The following ARHGEF1 variants were observed in gnomAD, a reference collection of about 807,000 sequenced individuals.
The protein encoded by ARHGEF1 is 115 kDa guanine nucleotide exchange factor.
In ARHGEF1, 40 loss-of-function variants were observed where a neutral mutation model predicts 119.7. That is an observed-to-expected ratio of 0.33 (90% confidence interval 0.26 to 0.44). The LOEUF is 0.44. Ranked by LOEUF, ARHGEF1 falls within the 20% of genes least tolerant of loss-of-function variation. The probability of loss-of-function intolerance (pLI) is 1.00; values close to 1 mark genes in which losing one functional copy is unlikely to be tolerated. For missense variants in ARHGEF1, 976 were observed against 1,268.3 expected (o/e 0.77, Z 3.50); for synonymous variants, 494 against 521.0 (o/e 0.95, Z 0.71).
At chr19:41,894,355 C>G in intron 9 of ARHGEF1, 49 bp downstream of exon 9, 1 of 1,515,894 alleles carries the variant, frequency 6.6e-7, no homozygotes, top group South Asian at 1.3e-5. Context: ...CAGAGACGCC[C>G]TGGGAGCCTC....
At chr19:41,894,347 G>A in intron 9 of ARHGEF1, 41 bp downstream of exon 9, 1 of 1,517,784 alleles carries the variant, frequency 6.6e-7, no homozygotes, top group Non-Finnish European at 8.8e-7. Flanking sequence ...TTCCTCTCCA[G>A]AGACGCCCTG....
chr19:41,917,648 G>T lies in ARHGEF1; in HGVS notation c.1866-5444G>T, dbSNP rs1048789277. ...GCACACACCATGCCCCAAAGCACACGCACGCACGCACACACACACCCTGAC... is the reference window on the plus strand; with the variant it reads ...GCACACACCATGCCCCAAAGCACACTCACGCACGCACACACACACCCTGAC... On this transcript the variant is annotated intron_variant, in intron 18 of 20. Coordinates refer to the ARHGEF1 transcript ENST00000599589. This position sits in a 1 kb window ranked among gnomAD's most constrained non-coding sequence, Gnocchi z 4.8. Among the ~76,000 whole-genome samples, 1 of 151,338 alleles carries T rather than the reference G, an allele frequency of 6.6e-6. No individual in the cohort carries two copies. The highest frequency in any genetic ancestry group is 2.1e-4 in the South Asian group (1 of 4,806).
chr19:41,914,730 T>C lies in ARHGEF1; in HGVS notation c.1865+7927T>C, dbSNP rs377050105. ...CCACCATCTCTGTCTCTCCCTCCCC[T>C]TCCACCATCTCTGTCTCTCCCTCCC... On this transcript the variant is annotated intron_variant, in intron 18 of 20. Transcript: ENST00000599589. Among the ~76,000 whole-genome samples the C allele has an allele frequency of 1.4e-3, 14 of 10,230 alleles. 2 individuals are homozygous for C. Among genetic ancestry groups the C allele is most frequent in the South Asian group, 7.7e-3 (1 of 130 alleles). The allele number at this position is 10,230 out of a possible 152,430, so 6.7% of individuals were successfully genotyped here.
intron 1 of ARHGEF1, chr19:41,928,352 G>C (rs1599683866): frequency 6.6e-6 from 1 of 152,472 alleles, no homozygotes; most frequent in African/African-American, 2.4e-5. Flanking sequence ...GAGACGGGGA[G>C]AGCTGAGGAC....
At chr19:41,907,617 TAC>T (rs1177347613), downstream of ARHGEF1, 10 of 552,482 alleles carry the variant, frequency 1.8e-5, no homozygotes, top group East Asian at 2.3e-4. Context: ...AGGCACTCCG[TAC>T]ACACACTGGG....
chr19:41,887,957 G>A, intron 1 of ARHGEF1, 107 bp from the exon 2 acceptor site: 1 of 1,264,984 alleles, frequency 7.9e-7, no homozygotes, highest in South Asian at 1.4e-5. Context: ...AGGCTGGGAT[G>A]GGGGAGGCTG....
Position 41,905,934 on chromosome 19 carries a change from T to C in ARHGEF1, c.2405-5T>C, listed in dbSNP as rs11879368. The stretch of plus-strand genomic sequence containing the variant: ...TCTGAGCTCCCTCTCTGTTCCCCAA[T>C]CCAGCCCGGACCGAGAGAATCCTCA... On this transcript the variant is annotated splice_region_variant and splice_polypyrimidine_tract_variant and intron_variant, in intron 25 of 28. Coordinates refer to ENST00000354532, the MANE Select transcript of ARHGEF1 (RefSeq NM_004706.4). This position sits in a 1 kb window ranked among gnomAD's most constrained non-coding sequence, Gnocchi z 6.4. 9,195 of 1,613,938 alleles carry C rather than the reference T, an allele frequency of 5.7e-3. 402 individuals carry two copies. The African/African-American group carries it at 0.1, about 18-fold the overall frequency.
In ARHGEF1 at chr19:41,904,082, G is replaced by A. The variant is rs148847706; in HGVS notation, c.1965G>A (p.Thr655=). 2.9e-5 allele frequency: 47 copies of A among 1,614,198 alleles called. No homozygotes were observed. The African/African-American group carries it at 3.5e-4, about 12-fold the overall frequency. Residue 655 remains threonine (T), a synonymous_variant, in exon 21 of 29, where the codon ACG becomes ACA. Transcript: ENST00000354532. This position sits in a 1 kb window ranked among gnomAD's most constrained non-coding sequence, Gnocchi z 8.4. ...KKKLVHEGPL[T]WRVTKDKAVE... is the part of the protein sequence containing the mutation. ...AATTGGTCCACGAGGGCCCACTGAC[G>A]TGGCGGGTGACTAAGGACAAGGCAG...
chr19:41,923,431 A>G (rs1555852851), intron 1 of ARHGEF1, among the ~76,000 whole-genome samples: 2 of 151,648 alleles, frequency 1.3e-5, no homozygotes, highest in South Asian at 4.2e-4. Context: ...AGAGAAATAC[A>G]GAGAACAAAG....
rs2074801827 is a variant in ARHGEF1, at chr19:41,916,365, C to T, written c.1866-6727C>T. On this transcript the variant is annotated intron_variant, in intron 18 of 20. Transcript: ENST00000599589. The surrounding 1 kb of genome is among the most constrained non-coding windows in gnomAD (Gnocchi z 5.4). ...CATACCACTGCTGCCACACACAACC[C>T]ACATCACACAGATGCATGTGTCAGT... is the stretch of plus-strand genomic sequence containing the variant. 6.6e-6 allele frequency among the ~76,000 whole-genome samples: 1 copy of T among 152,090 alleles called. No individual in the cohort carries two copies. Among genetic ancestry groups the T allele is most frequent in the African/African-American group, 2.4e-5 (1 of 41,396 alleles).
Position 41,903,655 on chromosome 19 carries a change from G to A in ARHGEF1, c.1840-52G>A. 1 of 1,588,822 alleles carries A rather than the reference G, an allele frequency of 6.3e-7. No individual in the cohort carries two copies. Among genetic ancestry groups the A allele is most frequent in the Non-Finnish European group, 8.6e-7 (1 of 1,163,060 alleles). On this transcript the variant is annotated intron_variant, in intron 19 of 28. Transcript: ENST00000354532. The surrounding 1 kb of genome is among the most constrained non-coding windows in gnomAD (Gnocchi z 4.2). ...CATCTTACCAATGTGGGTCACTGCA[G>A]GTCAGCCCCAGCACTTAGCTTGTCC...
intron 18 of ARHGEF1, among the ~76,000 whole-genome samples, chr19:41,915,411 C>T (rs955594087): frequency 1.6e-4 from 24 of 151,776 alleles, no homozygotes; most frequent in Non-Finnish European, 2.6e-4. Flanking sequence ...TCCGTCTGTC[C>T]GTCCCTCCCA....
downstream of ARHGEF1, among the ~76,000 whole-genome samples, chr19:41,912,011 G>A (rs552674127): frequency 7.9e-5 from 12 of 151,950 alleles, no homozygotes; most frequent in African/African-American, 2.7e-4. Context: ...ACAGCCATGC[G>A]GAACGCCACA....
Position 41,883,279 on chromosome 19 carries a change from G to A in ARHGEF1, c.-30G>A. ...CGGGCGCCCCGCCGGTCACCTCCGC[G>A]CGGACACCAGGTACTCGGTCCCCGG... On this transcript the variant is annotated 5_prime_UTR_variant, in exon 1 of 29. Transcript: ENST00000354532. The surrounding 1 kb of genome is among the most constrained non-coding windows in gnomAD (Gnocchi z 7.6). The A allele has an allele frequency of 5.2e-6, 1 of 192,766 alleles. No homozygotes were observed. The highest frequency in any genetic ancestry group is 5.3e-5 in the South Asian group (1 of 19,016). The allele number at this position is 192,766 out of a possible 1,614,324, so 11.9% of individuals were successfully genotyped here.
intron 4 of ARHGEF1, among the ~76,000 whole-genome samples, chr19:41,890,976 A>G (rs1555846099): frequency 6.6e-6 from 1 of 152,188 alleles, no homozygotes. Context: ...TTCATTTCCC[A>G]GATGAGAGCC....
In ARHGEF1 at chr19:41,903,168, C is replaced by A; in HGVS notation, c.1739-139C>A. ...AACTCCTGGTCTCAAGCTATCCTCC[C>A]GCCTCAGCCTCCCAAAGTGCTTGGA... On this transcript the variant is annotated intron_variant, in intron 18 of 28. Coordinates refer to ENST00000354532, the MANE Select transcript of ARHGEF1 (RefSeq NM_004706.4). The surrounding 1 kb of genome is among the most constrained non-coding windows in gnomAD (Gnocchi z 4.2). 1.3e-6 allele frequency: 1 copy of A among 745,816 alleles called. No homozygotes were observed. Among genetic ancestry groups the A allele is most frequent in the Non-Finnish European group, 2.2e-6 (1 of 444,670 alleles). 46.2% of individuals were successfully genotyped at this position (745,816 alleles called of 1,614,324 possible). A position where few individuals can be genotyped will look rare whatever the true frequency, so the allele number is the denominator to read the frequency against.
At chr19:41,897,539 G>A in intron 13 of ARHGEF1, 1 of 308,972 alleles carries the variant, frequency 3.2e-6, no homozygotes, top group South Asian at 3.0e-5. Flanking sequence ...AAGGGAGGGG[G>A]TCAGTCCTAT....
intron 1 of ARHGEF1, chr19:41,928,589 T>TGGAGGC (rs1326694755): frequency 5.5e-6 from 1 of 182,228 alleles, no homozygotes; most frequent in Non-Finnish European, 1.2e-5. Context: ...CGCAGATATA[T>TGGAGGC]GGAGGCGGCG....
Position 41,902,637 on chromosome 19 carries a change from T to A in ARHGEF1, c.1602T>A (p.Pro534=), listed in dbSNP as rs1555849280. 14 of 1,614,186 alleles carry A rather than the reference T, an allele frequency of 8.7e-6. No individual in the cohort carries two copies. The highest frequency in any genetic ancestry group is 1.2e-5 in the Non-Finnish European group (14 of 1,180,018). The change falls in exon 17 of 29, where the codon CCT becomes CCA. Residue 534 remains proline (P), a synonymous_variant. Coordinates refer to ENST00000354532, the MANE Select transcript of ARHGEF1 (RefSeq NM_004706.4). The surrounding 1 kb of genome is among the most constrained non-coding windows in gnomAD (Gnocchi z 6.5). ...EQLKAKQRKD[P]RFCAFVQEAE... ...TCAAAGCCAAGCAACGCAAGGACCCTCGGTTCTGTGCCTTCGTGCAGGTGA... is the reference window on the plus strand; with the variant it reads ...TCAAAGCCAAGCAACGCAAGGACCCACGGTTCTGTGCCTTCGTGCAGGTGA...
Sources: allele counts gnomAD v4.1 joint callset (sites outside exome capture counted in the v4.1 genomes callset), GRCh38; gene constraint gnomAD v4.1.1; non-coding constraint Gnocchi (gnomAD v3.1); transcripts MANE v1.5; gene names NCBI Gene and HGNC (gene_info 2026-07-23, HGNC 2026-07-21).